The following GAS2 variants were observed in gnomAD, a reference collection of about 807,000 sequenced individuals.
The protein encoded by GAS2 is growth arrest-specific protein 2.
GAS2 carries 20 observed loss-of-function variants against 37.5 expected under a neutral mutation model. That is an observed-to-expected ratio of 0.53 (90% confidence interval 0.37 to 0.77). The LOEUF is 0.77. GAS2 is among the 30% of genes least tolerant of loss of function. The pLI, the probability that GAS2 is intolerant of heterozygous loss-of-function variation, is 0.00. For missense variants in GAS2, 336 were observed against 373.4 expected (o/e 0.90, Z 0.82); for synonymous variants, 144 against 132.2 (o/e 1.09, Z -0.61).
At chr11:22,637,329 A>C (rs1590554995) in intron 1 of GAS2, among the ~76,000 whole-genome samples, 1 of 102,190 alleles carries the variant, frequency 9.8e-6, no homozygotes, top group Non-Finnish European at 1.7e-5. Context: ...TATAATATTA[A>C]TTATATTAAT....
chr11:22,773,100 A>C (rs1181761872), intron 7 of GAS2, among the ~76,000 whole-genome samples: 1 of 152,132 alleles, frequency 6.6e-6, no homozygotes, highest in Non-Finnish European at 1.5e-5. Flanking sequence ...AAACACCTGG[A>C]GACCAGCAGA....
intron 1 of GAS2, among the ~76,000 whole-genome samples, chr11:22,669,156 C>G (rs1424848341): frequency 6.6e-6 from 1 of 152,196 alleles, no homozygotes; most frequent in East Asian, 1.9e-4. Flanking sequence ...TTATAGTTAA[C>G]TAAAACAGAA....
At chr11:22,683,777 G>A (rs1464103753) in intron 2 of GAS2, among the ~76,000 whole-genome samples, 1 of 151,646 alleles carries the variant, frequency 6.6e-6, no homozygotes, top group Non-Finnish European at 1.5e-5. Context: ...TGCTCACTGA[G>A]CACATTTACT....
At chr11:22,765,828 A>G (rs1438904573) in intron 7 of GAS2, among the ~76,000 whole-genome samples, 1 of 152,100 alleles carries the variant, frequency 6.6e-6, no homozygotes, top group East Asian at 1.9e-4. Flanking sequence ...TAAAGAATAT[A>G]GGTTTAATTG....
At chr11:22,794,172 T>G (rs1856318608) in intron 7 of GAS2, among the ~76,000 whole-genome samples, 2 of 152,142 alleles carry the variant, frequency 1.3e-5, no homozygotes, top group African/African-American at 4.8e-5. Flanking sequence ...TATTTCTGTC[T>G]TCTTGCTTTT....
intron 1 of GAS2, among the ~76,000 whole-genome samples, chr11:22,674,179 A>G (rs145047670): frequency 9.2e-5 from 14 of 152,050 alleles, no homozygotes; most frequent in African/African-American, 2.7e-4. Context: ...ACCTAGCTGT[A>G]TGATCTTGGT....
intron 4 of GAS2, among the ~76,000 whole-genome samples, chr11:22,734,228 A>G (rs1213082972): frequency 6.6e-6 from 1 of 151,750 alleles, no homozygotes; most frequent in East Asian, 1.9e-4. Flanking sequence ...ATTAAAGGCA[A>G]GGTATTTGGT....
intron 1 of GAS2, among the ~76,000 whole-genome samples, chr11:22,655,038 AAAC>A (rs1345357827): frequency 6.6e-6 from 1 of 152,168 alleles, no homozygotes; most frequent in Non-Finnish European, 1.5e-5. Flanking sequence ...ATGTTGTTCA[AAAC>A]CACCTTAAAC....
chr11:22,749,233 A>G lies in GAS2; in HGVS notation c.587A>G (p.Lys196Arg). 6.2e-7 allele frequency: 1 copy of G among 1,612,290 alleles called. No homozygotes were observed. Among genetic ancestry groups the G allele is most frequent in the Non-Finnish European group, 8.5e-7 (1 of 1,178,996 alleles). ...PSPSSKSSGK[K>R]STGNLLDDAV... Reference sequence around the variant, plus strand: ...CCTTCATCAAAGTCTTCTGGAAAAAAGAGTACAGGAAACTTACTGGATGAT... The same window carrying G: ...CCTTCATCAAAGTCTTCTGGAAAAAGGAGTACAGGAAACTTACTGGATGAT... Residue 196 changes from lysine (K) to arginine (R), a missense_variant, in exon 6 of 8, where the codon AAG (lysine) becomes AGG (arginine). Transcript: ENST00000454584.
At chr11:22,788,371 G>A (rs1167557761) in intron 7 of GAS2, among the ~76,000 whole-genome samples, 1 of 152,126 alleles carries the variant, frequency 6.6e-6, no homozygotes, top group Non-Finnish European at 1.5e-5. Context: ...TCAGGCTCTT[G>A]ATATTTTGAA....
chr11:22,715,028 T>C (rs1334613717), intron 3 of GAS2, among the ~76,000 whole-genome samples: 1 of 151,936 alleles, frequency 6.6e-6, no homozygotes. Context: ...CAGAACTAAA[T>C]GAAATTGAAA....
intron 7 of GAS2, among the ~76,000 whole-genome samples, chr11:22,766,500 T>C (rs1231038624): frequency 2.0e-5 from 3 of 152,206 alleles, no homozygotes; most frequent in Admixed American, 6.5e-5. Flanking sequence ...TTAAAATCCA[T>C]TAGTAATTTA....
intron 7 of GAS2, among the ~76,000 whole-genome samples, chr11:22,764,178 A>AT (rs147818317): frequency 0.021 from 3,262 of 152,218 alleles, 110 homozygotes; most frequent in African/African-American, 0.074. Flanking sequence ...TTTTTTTAAG[A>AT]TTTTTTAAAA....
chr11:22,665,330 A>G (rs1299594817), upstream of GAS2, among the ~76,000 whole-genome samples: 1 of 152,190 alleles, frequency 6.6e-6, no homozygotes, highest in East Asian at 1.9e-4. Flanking sequence ...AATTATCAAG[A>G]ACATTTGATT....
At chr11:22,792,025 T>C (rs1490661794) in intron 7 of GAS2, among the ~76,000 whole-genome samples, 2 of 152,232 alleles carry the variant, frequency 1.3e-5, no homozygotes, top group Non-Finnish European at 2.9e-5. Flanking sequence ...GATATGGATA[T>C]GCAGGTAAGA....
At chr11:22,635,274 G>C (rs920224115) in intron 1 of GAS2, among the ~76,000 whole-genome samples, 1 of 152,228 alleles carries the variant, frequency 6.6e-6, no homozygotes, top group Non-Finnish European at 1.5e-5. Context: ...CCACATGCCA[G>C]CATAAGCAGC....
intron 1 of GAS2, among the ~76,000 whole-genome samples, chr11:22,651,431 C>G (rs337508): frequency 1.3e-5 from 2 of 151,818 alleles, no homozygotes; most frequent in Non-Finnish European, 2.9e-5. Context: ...ATCTTTGTGG[C>G]GTTCTCTGTA....
chr11:22,765,305 G>A (rs1004738201), intron 7 of GAS2, among the ~76,000 whole-genome samples: 4 of 152,146 alleles, frequency 2.6e-5, no homozygotes, highest in African/African-American at 9.7e-5. Context: ...CAATATAGTA[G>A]AGAGTTGAAC....
In GAS2 at chr11:22,654,274, G is replaced by T. The variant is rs143310417; in HGVS notation, c.-20-20576G>T. On this transcript the variant is annotated intron_variant, in intron 1 of 5. Coordinates refer to the GAS2 transcript ENST00000528582. ...TCAAAACTAGGCTAAAGACTGTGAG[G>T]TCATTATCACTTAATGGTACAGGGA... 1.8e-3 allele frequency among the ~76,000 whole-genome samples: 273 copies of T among 152,272 alleles called. 2 individuals are homozygous for T. The highest frequency in any genetic ancestry group is 6.4e-3 in the African/African-American group (266 of 41,554).
Sources: allele counts gnomAD v4.1 joint callset (sites outside exome capture counted in the v4.1 genomes callset), GRCh38; gene constraint gnomAD v4.1.1; transcripts MANE v1.5; gene names NCBI Gene and HGNC (gene_info 2026-07-23, HGNC 2026-07-21).